Variants in KIF1B observed in about 807,000 individuals in gnomAD.
KIF1B encodes kinesin-like protein KIF1B.
KIF1B carries 76 observed loss-of-function variants against 241.9 expected under a neutral mutation model. That is an observed-to-expected ratio of 0.31 (90% CI 0.26 to 0.38). KIF1B has a LOEUF of 0.38. KIF1B is among the 10% of genes least tolerant of loss of function. KIF1B has a pLI of 1.00. For synonymous variants in KIF1B, 750 were observed against 796.7 expected (o/e 0.94, Z 0.99); for missense variants, 1,622 against 2,271.4 (o/e 0.71, Z 5.81).
chr1:10,281,552 G>A lies in KIF1B; in HGVS notation c.1223-770G>A, dbSNP rs879521550. On this transcript the variant is annotated intron_variant, in intron 14 of 48. Coordinates refer to ENST00000676179, the MANE Select transcript of KIF1B (RefSeq NM_001365951.3). Reference sequence around the variant, plus strand: ...GGTTGTACTGTTAGGCTAATTAAGGGCCTTAAATTAGCAAATAATCAGCCT... The same window carrying A: ...GGTTGTACTGTTAGGCTAATTAAGGACCTTAAATTAGCAAATAATCAGCCT... Among the ~76,000 whole-genome samples, 11 of 152,102 alleles carry A rather than the reference G, an allele frequency of 7.2e-5. No homozygotes were observed. The East Asian group carries it at 7.7e-4, about 11-fold the overall frequency.
intron 38 of KIF1B, among the ~76,000 whole-genome samples, chr1:10,353,335 T>G (rs1220371461): frequency 6.6e-6 from 1 of 152,262 alleles, no homozygotes; most frequent in African/African-American, 2.4e-5. Context: ...ATTTTAAATG[T>G]TTCACTTAAA....
chr1:10,304,424 C>T, intron 22 of KIF1B: 1 of 1,613,704 alleles, frequency 6.2e-7, no homozygotes, highest in Non-Finnish European at 8.5e-7. Flanking sequence ...AGTGGTCACC[C>T]CACTGCTGAT....
At chr1:10,259,313 C>T (rs982785368) in intron 4 of KIF1B, among the ~76,000 whole-genome samples, 3 of 151,672 alleles carry the variant, frequency 2.0e-5, no homozygotes, top group African/African-American at 4.8e-5. Context: ...AAAAGAACTT[C>T]ATTATTTACT....
chr1:10,376,847 A>ACG lies in KIF1B; in HGVS notation c.*261_*262insGC. 1 of 459,678 alleles carries ACG rather than the reference A, an allele frequency of 2.2e-6. No individual in the cohort carries two copies. Among genetic ancestry groups the ACG allele is most frequent in the South Asian group, 2.1e-5 (1 of 47,756 alleles). 28.5% of individuals were successfully genotyped at this position (459,678 alleles called of 1,614,324 possible). Reference sequence around the variant, plus strand: ...AAAATGTTTTTAAACACACACACACACACACACACACACACACACATACAC... The same window carrying ACG: ...AAAATGTTTTTAAACACACACACACACGCACACACACACACACACACATACAC... On this transcript the variant is annotated 3_prime_UTR_variant, in exon 49 of 49. Coordinates refer to ENST00000676179, the MANE Select transcript of KIF1B (RefSeq NM_001365951.3).
At chr1:10,245,336 G>C (rs1307722918) in intron 2 of KIF1B, among the ~76,000 whole-genome samples, 2 of 152,320 alleles carry the variant, frequency 1.3e-5, no homozygotes, top group South Asian at 2.1e-4. Flanking sequence ...AGAAAGAGAA[G>C]ATGGTCAGTT....
At chr1:10,245,439 G>C (rs576038154) in intron 2 of KIF1B, among the ~76,000 whole-genome samples, 26 of 152,262 alleles carry the variant, frequency 1.7e-4, no homozygotes, top group Admixed American at 1.4e-3. Flanking sequence ...CTTCAAGTCA[G>C]CCTTTATGGA....
In KIF1B at chr1:10,323,998, G is replaced by A; in HGVS notation, c.2473G>A (p.Val825Ile). The A allele has an allele frequency of 6.2e-7, 1 of 1,614,178 alleles. No homozygotes were observed. Residue 825 changes from valine (V) to isoleucine (I), a missense_variant, in exon 25 of 49, where the codon GTA becomes ATA. Coordinates refer to ENST00000676179, the MANE Select transcript of KIF1B (RefSeq NM_001365951.3). ...HEDRPFPRTVVAVEVQDLKNG... is the reference protein window; with the variant it reads ...HEDRPFPRTVIAVEVQDLKNG... Reference sequence around the variant, plus strand: ...GGACAGGCCTTTCCCTCGCACAGTGGTAGCAGTAGAAGTCCAGGATTTGAA... The same window carrying A: ...GGACAGGCCTTTCCCTCGCACAGTGATAGCAGTAGAAGTCCAGGATTTGAA...
chr1:10,361,891 A>G, intron 40 of KIF1B, 66 bp downstream of exon 40: 1 of 1,572,554 alleles, frequency 6.4e-7, no homozygotes, highest in East Asian at 2.2e-5. Flanking sequence ...TTAGTCCTTA[A>G]GTATTCTCGG....
Position 10,267,373 on chromosome 1 carries a change from T to G in KIF1B, c.430-7T>G. The stretch of plus-strand genomic sequence containing the variant: ...CACTCTAATTCACTTTACTAATTTG[T>G]TCATAGGTGAGCTACATGGAAATTT... On this transcript the variant is annotated splice_polypyrimidine_tract_variant and splice_region_variant and intron_variant, in intron 5 of 48. Coordinates refer to ENST00000676179, the MANE Select transcript of KIF1B (RefSeq NM_001365951.3). 1 of 1,613,632 alleles carries G rather than the reference T, an allele frequency of 6.2e-7. No homozygotes were observed. The highest frequency in any genetic ancestry group is 1.7e-5 in the Admixed American group (1 of 60,022).
Position 10,337,546 on chromosome 1 carries a change from T to A in KIF1B, c.3422+13T>A. 1 of 1,614,214 alleles carries A rather than the reference T, an allele frequency of 6.2e-7. No individual in the cohort carries two copies. Among genetic ancestry groups the A allele is most frequent in the Non-Finnish European group, 8.5e-7 (1 of 1,180,016 alleles). ...TCTGTCAGTTCAAGTAAGCTGCCCC[T>A]TTGCTCTGCCTCCCAGCTAGCTGCT... On this transcript the variant is annotated intron_variant, in intron 31 of 48. Transcript: ENST00000676179. The surrounding 1 kb of genome is among the most constrained non-coding windows in gnomAD (Gnocchi z 4.0).
At position 10,278,066 on chromosome 1, in the gene KIF1B, A is replaced by G. The variant is rs1385239970; in HGVS notation, c.1118A>G (p.Lys373Arg). The stretch of plus-strand genomic sequence containing the variant: ...AATGCCAAACTGGTTCGTGAATTAA[A>G]GGAGGAGGTGACACGGCTGAAGGAC... The part of the protein sequence containing the change: ...DPNAKLVREL[K>R]EEVTRLKDLL... The change falls in exon 13 of 49, where the codon AAG becomes AGG. Residue 373 changes from lysine to arginine, a missense_variant. By Grantham distance (26) the Lys-to-Arg change is conservative (BLOSUM62 2). Transcript: ENST00000676179. The G allele has an allele frequency of 6.2e-7, 1 of 1,614,120 alleles. No homozygotes were observed. The highest frequency in any genetic ancestry group is 1.7e-5 in the Admixed American group (1 of 60,024).
chr1:10,306,048 G>A (rs536804597), intron 22 of KIF1B: 14 of 1,047,298 alleles, frequency 1.3e-5, no homozygotes, highest in South Asian at 4.6e-5. Context: ...TTTCCTTTGC[G>A]TGTGGGCACT....
At chr1:10,347,425 G>A (rs1652627558) in intron 35 of KIF1B, among the ~76,000 whole-genome samples, 1 of 152,166 alleles carries the variant, frequency 6.6e-6, no homozygotes. Context: ...TGAATTAATT[G>A]CTTTCTGAAT....
Position 10,295,270 on chromosome 1 carries a change from A to AT in KIF1B, c.1670+111dup, listed in dbSNP as rs1339263593. The stretch of plus-strand genomic sequence containing the variant: ...AAAAATTAACGTAATGATTTGCTGT[A>AT]TTTTTTGTCTGAAATAGTTACAAAC... On this transcript the variant is annotated intron_variant, in intron 18 of 48. Transcript: ENST00000676179. 5 of 781,050 alleles carry AT rather than the reference A, an allele frequency of 6.4e-6. 1 individual carries two copies. The highest frequency in any genetic ancestry group is 2.8e-5 in the South Asian group (2 of 70,640). The allele number at this position is 781,050 out of a possible 1,614,324, so 48.4% of individuals were successfully genotyped here. A position where few individuals can be genotyped will look rare whatever the true frequency, so the allele number is the denominator to read the frequency against.
chr1:10,276,279 C>T, intron 11 of KIF1B, 42 bp from the exon 12 acceptor site: 1 of 1,386,490 alleles, frequency 7.2e-7, no homozygotes, highest in Non-Finnish European at 1.0e-6. Flanking sequence ...AATTTTTCTT[C>T]TAAAATGAGT....
intron 45 of KIF1B, among the ~76,000 whole-genome samples, chr1:10,372,011 C>T (rs1638746883): frequency 6.6e-6 from 1 of 152,088 alleles, no homozygotes; most frequent in Non-Finnish European, 1.5e-5. Context: ...TGCAACACAC[C>T]CTCTTGTGCA....
At position 10,326,513 on chromosome 1, in the gene KIF1B, C is replaced by T. The variant is rs1423037599; in HGVS notation, c.2924+154C>T. On this transcript the variant is annotated intron_variant, in intron 27 of 48. Coordinates refer to ENST00000676179, the MANE Select transcript of KIF1B (RefSeq NM_001365951.3). This position sits in a 1 kb window ranked among gnomAD's most constrained non-coding sequence, Gnocchi z 5.2. Reference sequence around the variant, plus strand: ...CAATACTTCAAGCTCTTAGTCAGTGCTGGTCTGGCTGAGATGGTTCTCAGG... The same window carrying T: ...CAATACTTCAAGCTCTTAGTCAGTGTTGGTCTGGCTGAGATGGTTCTCAGG... Among the ~76,000 whole-genome samples, 2 of 152,148 alleles carry T rather than the reference C, an allele frequency of 1.3e-5. No individual in the cohort carries two copies. The highest frequency in any genetic ancestry group is 3.9e-4 in the East Asian group (2 of 5,190).
Position 10,379,374 on chromosome 1 carries a change from G to T in KIF1B, c.*2787G>T, listed in dbSNP as rs1638966495. ...TTAGGGAGCCAGAGGGAGCAGAGTG[G>T]TCGTGTCCTGCGTGCTCTTCACCCT... On this transcript the variant is annotated 3_prime_UTR_variant, in exon 49 of 49. Coordinates refer to ENST00000676179, the MANE Select transcript of KIF1B (RefSeq NM_001365951.3). The T allele has an allele frequency of 4.3e-6, 1 of 231,412 alleles. No homozygotes were observed. Among genetic ancestry groups the T allele is most frequent in the African/African-American group, 2.2e-5 (1 of 45,234 alleles). The allele number at this position is 231,412 out of a possible 1,614,324, so 14.3% of individuals were successfully genotyped here. A position where few individuals can be genotyped will look rare whatever the true frequency, so the allele number is the denominator to read the frequency against.
rs1257847602 is a variant in KIF1B, at chr1:10,324,702, A to T, written c.2538-56A>T. On this transcript the variant is annotated intron_variant, in intron 25 of 48. Coordinates refer to ENST00000676179, the MANE Select transcript of KIF1B (RefSeq NM_001365951.3). The stretch of plus-strand genomic sequence containing the variant: ...TTGAACGGAAGATGCTTCCAAAGTG[A>T]AAGTTTAATGCAATCTCATTATATT... 3.8e-6 allele frequency: 6 copies of T among 1,594,064 alleles called. No individual in the cohort carries two copies. In the East Asian group the frequency reaches 1.1e-4, roughly 30 times the overall value.
Sources: gnomAD v4.1 joint callset for allele counts (sites outside exome capture counted in the v4.1 genomes callset) on GRCh38, gnomAD v4.1.1 for gene constraint, Gnocchi (gnomAD v3.1) non-coding constraint, MANE v1.5 for transcripts, NCBI Gene and HGNC (gene_info 2026-07-23, HGNC 2026-07-21) for gene names.